TBC1D2: variants seen among roughly 807,000 people sequenced by gnomAD.
TBC1D2 encodes TBC1 domain family member 2A.
A neutral mutation model predicts 91.1 loss-of-function variants in TBC1D2; 58 were observed. That is an observed-to-expected ratio of 0.64 (90% CI 0.52 to 0.79). The LOEUF (loss-of-function observed/expected upper bound fraction) is 0.79. Ranked by LOEUF, TBC1D2 falls within the 30% of genes least tolerant of loss-of-function variation. The pLI is 0.00. For synonymous variants in TBC1D2, 482 were observed against 511.5 expected, an observed-to-expected ratio of 0.94 and a Z score of 0.78; for missense variants, 1,080 against 1,208.3, an observed-to-expected ratio of 0.89 and a Z score of 1.57.
chr9:98,250,203 G>C (rs935775156), intron 2 of TBC1D2, among the ~76,000 whole-genome samples: 1 of 152,180 alleles, frequency 6.6e-6, no homozygotes, highest in Non-Finnish European at 1.5e-5. Flanking sequence ...AAAGGAGAGA[G>C]AGCAGAGACT....
chr9:98,226,349 G>A (rs931417064), intron 5 of TBC1D2, among the ~76,000 whole-genome samples: 22 of 152,310 alleles, frequency 1.4e-4, no homozygotes, highest in African/African-American at 4.6e-4. Flanking sequence ...TGCTTGTAGG[G>A]CAGGAAGAGA....
At chr9:98,213,743 C>A (rs1336412632) in intron 6 of TBC1D2, among the ~76,000 whole-genome samples, 3 of 152,250 alleles carry the variant, frequency 2.0e-5, no homozygotes, top group African/African-American at 7.2e-5. Flanking sequence ...TCATTTTTAA[C>A]CTCTGGTGAT....
intron 3 of TBC1D2, among the ~76,000 whole-genome samples, chr9:98,242,403 T>C (rs1013418522): frequency 4.1e-5 from 6 of 146,164 alleles, no homozygotes; most frequent in Non-Finnish European, 7.4e-5. Context: ...ATCGCGCCAC[T>C]GCTCTCCAGC....
chr9:98,236,928 A>ATT (rs113680368), intron 3 of TBC1D2, among the ~76,000 whole-genome samples: 1 of 134,112 alleles, frequency 7.5e-6, no homozygotes, highest in Non-Finnish European at 1.6e-5. Flanking sequence ...CATTACTTCC[A>ATT]TTTTTTTTTT....
intron 11 of TBC1D2, 90 bp from the exon 12 acceptor site, chr9:98,200,464 G>A (rs1029578123): frequency 1.4e-5 from 18 of 1,327,996 alleles, no homozygotes; most frequent in Middle Eastern, 1.9e-4. Flanking sequence ...TGGGCAGTAT[G>A]GAAGACCCTG....
rs201529819 is a variant in TBC1D2 at position 98,208,793 on chromosome 9, G to A, written c.2025C>T (p.Asn675=). 358 of 1,597,406 alleles carry A rather than the reference G, an allele frequency of 2.2e-4. 1 individual carries two copies. In the South Asian group the frequency reaches 3.9e-3, roughly 17 times the overall value. ...PAARQIELDL[N]RTFPNNKHFT... is the part of the protein sequence containing the mutation. ...AGTGTTTGTTGTTGGGGAAGGTCCG[G>A]TTCAGGTCCAGCTCAATCTGGCGGG... The change falls in exon 9 of 13, where the codon AAC becomes AAT. Residue 675 remains asparagine, a synonymous_variant. Transcript: ENST00000465784.
At chr9:98,229,235 T>C (rs1200578023) in intron 4 of TBC1D2, 87 bp from the exon 5 acceptor site, 1 of 1,296,810 alleles carries the variant, frequency 7.7e-7, no homozygotes, top group South Asian at 1.4e-5. Context: ...CCTGGAGGGC[T>C]TGTTAAAATG....
At chr9:98,239,535 G>T (rs1829587339) in intron 3 of TBC1D2, among the ~76,000 whole-genome samples, 1 of 152,138 alleles carries the variant, frequency 6.6e-6, no homozygotes, top group Non-Finnish European at 1.5e-5. Flanking sequence ...ACTTTATCGT[G>T]GATTAATCCT....
At chr9:98,240,635 C>T (rs1435144266) in intron 3 of TBC1D2, among the ~76,000 whole-genome samples, 1 of 152,162 alleles carries the variant, frequency 6.6e-6, no homozygotes, top group East Asian at 1.9e-4. Context: ...ATCACTGCTG[C>T]CCACACTTTA....
intron 2 of TBC1D2, among the ~76,000 whole-genome samples, chr9:98,244,659 CA>C (rs59871511): frequency 0.13 from 6,176 of 46,690 alleles, 157 homozygotes; most frequent in African/African-American, 0.32. Flanking sequence ...AACTCCGTCT[CA>C]AAAAAAAAAA....
intron 3 of TBC1D2, among the ~76,000 whole-genome samples, chr9:98,234,490 C>T (rs1412377362): frequency 6.6e-6 from 1 of 152,132 alleles, no homozygotes. Flanking sequence ...TGAAAGTTCC[C>T]ACTCATTGGT....
rs73657119 is a variant in TBC1D2, at chr9:98,219,587, A to T, written c.1374+1246T>A. 5.4e-3 allele frequency among the ~76,000 whole-genome samples: 827 copies of T among 152,310 alleles called. 5 individuals carry two copies. Among genetic ancestry groups the T allele is most frequent in the African/African-American group, 0.019 (794 of 41,566 alleles). Reference sequence around the variant, plus strand: ...TTTAGCCTACTACGCACCCAGCTAGATGGTGTAGCCTATTGCTCCGAGGCT... The same window carrying T: ...TTTAGCCTACTACGCACCCAGCTAGTTGGTGTAGCCTATTGCTCCGAGGCT... On this transcript the variant is annotated intron_variant, in intron 6 of 12. Coordinates refer to ENST00000465784, the MANE Select transcript of TBC1D2 (RefSeq NM_001267571.2).
chr9:98,204,150 A>G (rs915081401), intron 9 of TBC1D2, among the ~76,000 whole-genome samples: 6 of 152,160 alleles, frequency 3.9e-5, no homozygotes, highest in Admixed American at 3.3e-4. Context: ...TACTTCTCCC[A>G]TCTTCCCTGG....
intron 11 of TBC1D2, 87 bp from the exon 12 acceptor site, chr9:98,200,461 T>C: frequency 7.3e-7 from 1 of 1,363,782 alleles, no homozygotes; most frequent in Non-Finnish European, 1.0e-6. Context: ...ACTTGGGCAG[T>C]ATGGAAGACC....
chr9:98,235,209 A>T (rs994235221), intron 3 of TBC1D2: 8 of 291,384 alleles, frequency 2.7e-5, no homozygotes, highest in African/African-American at 1.8e-4. Context: ...ATTTCAAAAA[A>T]AAAAAAGATC....
chr9:98,203,496 GGGGA>G, intron 9 of TBC1D2, 88 bp from the exon 10 acceptor site: 1 of 1,559,606 alleles, frequency 6.4e-7, no homozygotes, highest in Non-Finnish European at 8.7e-7. Context: ...TGGGTTCCAG[GGGGA>G]AAGTCCTTCC....
rs368643482 is a variant in TBC1D2 at position 98,209,056 on chromosome 9, G to A, written c.1762C>T (p.Arg588Ter). The change falls in exon 9 of 13, where the codon CGA (arginine) becomes TGA (stop). Residue 588 changes from arginine to a stop codon, truncating the protein, a stop_gained. Transcript: ENST00000465784. LOFTEE classifies it high-confidence loss of function. The part of the protein sequence containing the change: ...LLAKIQALES[R>*]SHHLLGLEAV... ...TCGAGGCCCAGCAGGTGGTGGGATC[G>A]TGACTCCAATGCCTGGATCTTGGCC... is the stretch of plus-strand genomic sequence containing the variant. 19 of 1,614,020 alleles carry A rather than the reference G, an allele frequency of 1.2e-5. No homozygotes were observed. The highest frequency in any genetic ancestry group is 7.7e-5 in the South Asian group (7 of 91,090).
intron 3 of TBC1D2, among the ~76,000 whole-genome samples, chr9:98,241,565 ATG>A (rs1323029433): frequency 6.6e-6 from 1 of 152,192 alleles, no homozygotes; most frequent in African/African-American, 2.4e-5. Flanking sequence ...AAGTTGCTCT[ATG>A]ACCCTCTGAA....
chr9:98,213,198 C>T lies in TBC1D2; in HGVS notation c.1395G>A (p.Arg465=), dbSNP rs753903373. The change falls in exon 7 of 13, where the codon CGG becomes CGA. Residue 465 remains arginine, a synonymous_variant. Transcript: ENST00000465784. ...CGGAGTTGAGGAAGCAGTTCTGGGT[C>T]CGGTAAGCTTCCATGTCATCCTGGA... ...EHLKDDMEAY[R]TQNCFLNSEI... 1 of 1,614,032 alleles carries T rather than the reference C, an allele frequency of 6.2e-7. No homozygotes were observed. The highest frequency in any genetic ancestry group is 8.5e-7 in the Non-Finnish European group (1 of 1,180,024).
Sources: gnomAD v4.1 joint callset for allele counts (sites outside exome capture counted in the v4.1 genomes callset) on GRCh38, gnomAD v4.1.1 for gene constraint, MANE v1.5 for transcripts, NCBI Gene and HGNC (gene_info 2026-07-23, HGNC 2026-07-21) for gene names.